PLCL1: variants seen among roughly 807,000 people sequenced by gnomAD.
PLCL1 encodes the protein inactive phospholipase C-like protein 1.
A neutral mutation model predicts 84.4 loss-of-function variants in PLCL1; 41 were observed. That is an observed-to-expected ratio of 0.49 (90% CI 0.38 to 0.63). The LOEUF (loss-of-function observed/expected upper bound fraction) is 0.63, where lower values mean the gene tolerates loss of function less well. PLCL1 is among the 30% of genes least tolerant of loss of function. The pLI, the probability that PLCL1 is intolerant of heterozygous loss-of-function variation, is 0.00. For synonymous variants in PLCL1, 490 were observed against 488.3 expected (o/e 1.00, Z -0.05); for missense variants, 1,206 against 1,367.8 (o/e 0.88, Z 1.87).
In PLCL1 at chr2:198,084,163, T is replaced by C. The variant is rs749010469; in HGVS notation, c.646T>C (p.Ser216Pro). Reference protein sequence around the residue: ...NSADVANIWVSGLRYLVSRSK... With the variant: ...NSADVANIWVPGLRYLVSRSK... ...AGCAGATGTGGCAAACATCTGGGTG[T>C]CTGGGTTACGGTACCTGGTTTCTCG... Residue 216 changes from serine (S) to proline (P), a missense_variant, in exon 2 of 6, where the codon TCT becomes CCT. Transcript: ENST00000428675. The C allele has an allele frequency of 2.5e-6, 4 of 1,614,150 alleles. No individual in the cohort carries two copies. The highest frequency in any genetic ancestry group is 3.4e-6 in the Non-Finnish European group (4 of 1,180,002).
chr2:197,889,448 G>A (rs747636267), intron 1 of PLCL1, among the ~76,000 whole-genome samples: 13 of 152,094 alleles, frequency 8.5e-5, no homozygotes, highest in Non-Finnish European at 1.6e-4. Flanking sequence ...AAAAAAACAG[G>A]CTTTAAAAGC....
intron 1 of PLCL1, among the ~76,000 whole-genome samples, chr2:197,966,882 G>T (rs931965524): frequency 7.2e-5 from 9 of 125,650 alleles, no homozygotes; most frequent in African/African-American, 1.3e-4. Context: ...ACAGAGTCTC[G>T]CTCTGTCGCC....
At chr2:198,108,169 G>T (rs1693534294) in intron 5 of PLCL1, among the ~76,000 whole-genome samples, 1 of 151,820 alleles carries the variant, frequency 6.6e-6, no homozygotes, top group Admixed American at 6.6e-5. Flanking sequence ...TTTAATAAAT[G>T]CTCTTTGTTT....
At chr2:198,138,421 C>T (rs908707188) in intron 5 of PLCL1, among the ~76,000 whole-genome samples, 1 of 152,112 alleles carries the variant, frequency 6.6e-6, no homozygotes, top group Non-Finnish European at 1.5e-5. Context: ...CACCTCCCAC[C>T]AAATCCCCTC....
chr2:197,835,633 T>G (rs1691171554), intron 1 of PLCL1, among the ~76,000 whole-genome samples: 1 of 152,224 alleles, frequency 6.6e-6, no homozygotes, highest in Non-Finnish European at 1.5e-5. Flanking sequence ...ATTTAGTTTG[T>G]AATCTGGGCC....
intron 1 of PLCL1, among the ~76,000 whole-genome samples, chr2:197,827,023 T>C (rs1690944534): frequency 6.6e-6 from 1 of 152,180 alleles, no homozygotes; most frequent in African/African-American, 2.4e-5. Flanking sequence ...TACTAAATAG[T>C]TCTCACTGCT....
chr2:198,142,610 T>C (rs1694415671), intron 5 of PLCL1, among the ~76,000 whole-genome samples: 2 of 152,280 alleles, frequency 1.3e-5, no homozygotes, highest in Admixed American at 6.5e-5. Flanking sequence ...TTTGCATGAG[T>C]CCATGTTACT....
rs1694125745 is a variant in PLCL1 at position 198,131,785 on chromosome 2, CAAGCCTGTCATTTCTCATTTAAAATAA to C, written c.3106-14992_3106-14966del. 3.9e-5 allele frequency among the ~76,000 whole-genome samples: 6 copies of C among 152,160 alleles called. No individual in the cohort carries two copies. The South Asian group carries it at 1.2e-3, about 32-fold the overall frequency. On this transcript the variant is annotated intron_variant, in intron 5 of 5. Coordinates refer to ENST00000428675, the MANE Select transcript of PLCL1 (RefSeq NM_006226.4). ...TCAAATGGTGTGGTTAAAATTGTAG[CAAGCCTGTCATTTCTCATTTAAAATAA>C]AACGGGACTCATTCAGGCTTCTTGA...
intron 1 of PLCL1, among the ~76,000 whole-genome samples, chr2:197,923,433 T>A (rs1396245397): frequency 1.4e-5 from 2 of 138,204 alleles, no homozygotes; most frequent in East Asian, 2.3e-4. Context: ...GTCTCCTCAC[T>A]TCTCAGACGG....
intron 1 of PLCL1, among the ~76,000 whole-genome samples, chr2:198,006,766 C>T (rs1461111963): frequency 6.6e-6 from 1 of 152,116 alleles, no homozygotes; most frequent in Non-Finnish European, 1.5e-5. Flanking sequence ...ATTTTTCTTA[C>T]TTTAGTGCCC....
At chr2:198,058,721 G>A (rs999744735) in intron 1 of PLCL1, among the ~76,000 whole-genome samples, 1 of 151,926 alleles carries the variant, frequency 6.6e-6, no homozygotes, top group African/African-American at 2.4e-5. Flanking sequence ...CCAAATATGT[G>A]TCTTATATAG....
chr2:197,897,180 CTT>C (rs1559038645), intron 1 of PLCL1, among the ~76,000 whole-genome samples: 378 of 26,052 alleles, frequency 0.015, 9 homozygotes, highest in African/African-American at 0.039. Flanking sequence ...TCTTCTTCTT[CTT>C]CTTCTTCTCC....
chr2:197,984,268 GT>G (rs900605346), intron 1 of PLCL1, among the ~76,000 whole-genome samples: 6 of 152,230 alleles, frequency 3.9e-5, no homozygotes, highest in Non-Finnish European at 8.8e-5. Flanking sequence ...GCTCTTTTGA[GT>G]TACTTTACAA....
intron 1 of PLCL1, among the ~76,000 whole-genome samples, chr2:197,906,052 C>T (rs924714981): frequency 6.6e-6 from 1 of 152,144 alleles, no homozygotes; most frequent in East Asian, 1.9e-4. Context: ...TTTTGCTGTG[C>T]AGAAGCTCTT....
intron 5 of PLCL1, among the ~76,000 whole-genome samples, chr2:198,146,290 C>A (rs760506344): frequency 6.6e-6 from 1 of 152,148 alleles, no homozygotes; most frequent in Admixed American, 6.5e-5. Context: ...AAAACCAGCT[C>A]ACCAAGCATA....
chr2:197,874,678 A>G (rs1253342956), intron 1 of PLCL1, among the ~76,000 whole-genome samples: 1 of 152,188 alleles, frequency 6.6e-6, no homozygotes, highest in African/African-American at 2.4e-5. Context: ...TTATGATTTA[A>G]TAGACTTTTG....
chr2:197,850,103 C>A (rs923445717), intron 1 of PLCL1, among the ~76,000 whole-genome samples: 1 of 151,718 alleles, frequency 6.6e-6, no homozygotes, highest in African/African-American at 2.4e-5. Flanking sequence ...AAGCCTGGCT[C>A]AGTCACCAGG....
intron 1 of PLCL1, among the ~76,000 whole-genome samples, chr2:197,981,782 A>G (rs1690113087): frequency 6.6e-6 from 1 of 152,172 alleles, no homozygotes; most frequent in African/African-American, 2.4e-5. Flanking sequence ...AGGCATGATA[A>G]AAGTTAGGGC....
chr2:197,864,506 G>T, intron 1 of PLCL1, among the ~76,000 whole-genome samples: 1 of 146,984 alleles, frequency 6.8e-6, no homozygotes, highest in African/African-American at 2.5e-5. Flanking sequence ...TTTAACACAG[G>T]ATCTCACTTT....
Sources: allele counts gnomAD v4.1 joint callset (sites outside exome capture counted in the v4.1 genomes callset), GRCh38; gene constraint gnomAD v4.1.1; transcripts MANE v1.5; gene names NCBI Gene and HGNC (gene_info 2026-07-23, HGNC 2026-07-21).